Variants in CUL2 observed in about 807,000 individuals in gnomAD.
CUL2 encodes cullin-2.
CUL2 carries 22 observed loss-of-function variants against 110.2 expected under a neutral mutation model. The observed-to-expected ratio is 0.20, with a 90% CI of 0.14 to 0.28. The LOEUF (loss-of-function observed/expected upper bound fraction) is 0.28. Among genes scored for constraint, CUL2 ranks in the 10% least tolerant of loss-of-function variants. The pLI is 1.00. For missense variants in CUL2, 631 were observed against 905.5 expected (o/e 0.70, Z 3.89); for synonymous variants, 279 against 293.2 (o/e 0.95, Z 0.49).
intron 1 of CUL2, among the ~76,000 whole-genome samples, chr10:35,075,234 A>G (rs2086786434): frequency 6.6e-6 from 1 of 152,214 alleles, no homozygotes; most frequent in African/African-American, 2.4e-5. Context: ...AATAGCAGGA[A>G]GGTATGCTGA....
intron 11 of CUL2, 89 bp from the exon 12 acceptor site, chr10:35,032,583 A>C: frequency 1.1e-6 from 1 of 943,702 alleles, no homozygotes; most frequent in Non-Finnish European, 1.6e-6. Flanking sequence ...TACATCCAAA[A>C]ATTACCCCGC....
intron 1 of CUL2, among the ~76,000 whole-genome samples, chr10:35,077,680 G>T (rs929857937): frequency 6.6e-6 from 1 of 151,524 alleles, no homozygotes; most frequent in African/African-American, 2.4e-5. Flanking sequence ...AGCCGGGCAC[G>T]GTGGCACATG....
At chr10:35,105,869 A>G (rs929642167) in intron 1 of CUL2, among the ~76,000 whole-genome samples, 2 of 151,448 alleles carry the variant, frequency 1.3e-5, no homozygotes, top group Non-Finnish European at 2.9e-5. Context: ...AAACTTTAGG[A>G]GAAAAACACA....
intron 1 of CUL2, among the ~76,000 whole-genome samples, chr10:35,115,937 G>A (rs2087591745): frequency 6.6e-6 from 1 of 151,916 alleles, no homozygotes; most frequent in African/African-American, 2.4e-5. Flanking sequence ...TCTTTGAAGA[G>A]AGCAATAAAA....
At chr10:35,075,883 C>T (rs192156522) in intron 1 of CUL2, among the ~76,000 whole-genome samples, 8 of 152,052 alleles carry the variant, frequency 5.3e-5, no homozygotes, top group East Asian at 1.9e-4. Flanking sequence ...AATTATAAAA[C>T]GCAGCTACCA....
At chr10:35,071,382 G>C (rs4934711) in intron 1 of CUL2, 43 bp from the exon 2 acceptor site, 5 of 1,537,470 alleles carry the variant, frequency 3.3e-6, no homozygotes, top group East Asian at 2.3e-5. Context: ...ATAATTCCAT[G>C]AGCTTAGTTT....
chr10:35,051,800 A>C (rs1448656927), intron 5 of CUL2, among the ~76,000 whole-genome samples: 2 of 152,174 alleles, frequency 1.3e-5, no homozygotes, highest in African/African-American at 2.4e-5. Flanking sequence ...AGAGTTTTTT[A>C]TATATTGTGG....
intron 1 of CUL2, among the ~76,000 whole-genome samples, chr10:35,075,856 TAATA>T (rs1206982409): frequency 6.6e-6 from 1 of 152,142 alleles, no homozygotes; most frequent in African/African-American, 2.4e-5. Flanking sequence ...TGATTGTCAA[TAATA>T]ATTACAAAAG....
At chr10:35,058,111 A>C (rs891493406) in intron 4 of CUL2, among the ~76,000 whole-genome samples, 11 of 152,186 alleles carry the variant, frequency 7.2e-5, no homozygotes, top group Non-Finnish European at 1.6e-4. Flanking sequence ...TTAGTAATAA[A>C]ATTTTTAAAA....
At chr10:35,056,841 A>G (rs2086251902) in intron 4 of CUL2, among the ~76,000 whole-genome samples, 1 of 152,202 alleles carries the variant, frequency 6.6e-6, no homozygotes, top group Non-Finnish European at 1.5e-5. Flanking sequence ...CGCCTAAAAC[A>G]TCAGAATCAC....
intron 17 of CUL2, among the ~76,000 whole-genome samples, chr10:35,023,195 A>C (rs1211704876): frequency 6.6e-6 from 1 of 152,184 alleles, no homozygotes; most frequent in Non-Finnish European, 1.5e-5. Context: ...AAAGCATCAC[A>C]CTGTACACTG....
At chr10:35,113,242 T>C (rs2135132402) in intron 1 of CUL2, among the ~76,000 whole-genome samples, 1 of 137,708 alleles carries the variant, frequency 7.3e-6, no homozygotes, top group Non-Finnish European at 1.5e-5. Flanking sequence ...ACTTCTGTAA[T>C]CCCAGCATTT....
At chr10:35,043,082 T>A (rs1346140441) in intron 8 of CUL2, among the ~76,000 whole-genome samples, 1 of 152,048 alleles carries the variant, frequency 6.6e-6, no homozygotes, top group African/African-American at 2.4e-5. Flanking sequence ...GGTGTGAGAG[T>A]AGAGGAAAAA....
At chr10:35,061,695 T>C (rs2086385834) in intron 3 of CUL2, among the ~76,000 whole-genome samples, 1 of 151,544 alleles carries the variant, frequency 6.6e-6, no homozygotes. Context: ...ACATGCCATA[T>C]ACTATCAAAA....
chr10:35,104,156 G>A (rs2087424003), intron 1 of CUL2, among the ~76,000 whole-genome samples: 2 of 152,144 alleles, frequency 1.3e-5, no homozygotes, highest in African/African-American at 4.8e-5. Context: ...TCCATAAGAT[G>A]ACACCAGAGG....
chr10:35,048,696 T>C (rs901691013), intron 6 of CUL2, among the ~76,000 whole-genome samples: 3 of 152,200 alleles, frequency 2.0e-5, no homozygotes, highest in African/African-American at 7.2e-5. Flanking sequence ...TCTCCAGCTC[T>C]CTATCTCTAA....
chr10:35,087,310 T>C lies in CUL2; in HGVS notation c.-23+2869A>G, dbSNP rs141242730. Among the ~76,000 whole-genome samples the C allele has an allele frequency of 8.2e-4, 125 of 152,332 alleles. 1 individual carries two copies. In the East Asian group the frequency reaches 0.023, roughly 27 times the overall value. On this transcript the variant is annotated intron_variant, in intron 1 of 20. Transcript: ENST00000374749. Reference sequence around the variant, plus strand: ...TTGAGCCATGTGAATACAGTTTTTGTTCAAAACATTAGTATACCAATAAAT... The same window carrying C: ...TTGAGCCATGTGAATACAGTTTTTGCTCAAAACATTAGTATACCAATAAAT...
At chr10:35,122,980 T>C (rs980508295) in intron 1 of CUL2, among the ~76,000 whole-genome samples, 6 of 151,996 alleles carry the variant, frequency 3.9e-5, no homozygotes, top group African/African-American at 1.5e-4. Flanking sequence ...TATAAAAAAA[T>C]TAAAAAAATT....
intron 18 of CUL2, among the ~76,000 whole-genome samples, chr10:35,014,684 T>A (rs1009707841): frequency 2.0e-5 from 3 of 151,750 alleles, no homozygotes; most frequent in Non-Finnish European, 2.9e-5. Context: ...AATTAAAAAA[T>A]TAGCCTGGCA....
Sources: gnomAD v4.1 joint callset for allele counts (sites outside exome capture counted in the v4.1 genomes callset) on GRCh38, gnomAD v4.1.1 for gene constraint, MANE v1.5 for transcripts, NCBI Gene and HGNC (gene_info 2026-07-23, HGNC 2026-07-21) for gene names.